EPHA3: variants seen among roughly 807,000 people sequenced by gnomAD.
EPHA3 encodes EPH receptor A3, also known as ephrin type-A receptor 3.
In EPHA3, 42 loss-of-function variants were observed where a neutral mutation model predicts 107.1. The ratio of observed to expected loss-of-function variants is 0.39; its 90% CI spans 0.31 to 0.51. The LOEUF is 0.51. Ranked by LOEUF, EPHA3 falls within the 20% of genes least tolerant of loss-of-function variation. The probability of loss-of-function intolerance (pLI) is 0.78; values close to 1 mark genes in which losing one functional copy is unlikely to be tolerated. For missense variants in EPHA3, 1,183 were observed against 1,211.2 expected (o/e 0.98, Z 0.35); for synonymous variants, 461 against 424.8 (o/e 1.09, Z -1.05).
chr3:89,337,309 G>T (rs2107410474), intron 3 of EPHA3, among the ~76,000 whole-genome samples: 2 of 152,246 alleles, frequency 1.3e-5, no homozygotes, highest in Non-Finnish European at 1.5e-5. Context: ...AAAATTAAAA[G>T]AAAGATTCCT....
At chr3:89,142,563 T>C (rs2107019685) in intron 2 of EPHA3, among the ~76,000 whole-genome samples, 1 of 151,584 alleles carries the variant, frequency 6.6e-6, no homozygotes, top group East Asian at 1.9e-4. Flanking sequence ...GTTTAATTAT[T>C]GGTCTTTATT....
At chr3:89,351,685 G>A (rs1231920273) in intron 5 of EPHA3, among the ~76,000 whole-genome samples, 2 of 151,086 alleles carry the variant, frequency 1.3e-5, no homozygotes, top group Admixed American at 1.3e-4. Context: ...AAACAATAAT[G>A]CTTTTACATA....
intron 3 of EPHA3, among the ~76,000 whole-genome samples, chr3:89,299,915 A>G (rs777355257): frequency 2.0e-5 from 3 of 151,632 alleles, no homozygotes; most frequent in African/African-American, 7.3e-5. Flanking sequence ...AATCTAAGAT[A>G]GTATTGCAAT....
chr3:89,399,231 A>T, intron 6 of EPHA3, 87 bp from the exon 7 acceptor site: 1 of 1,165,640 alleles, frequency 8.6e-7, no homozygotes, highest in Non-Finnish European at 1.2e-6. Flanking sequence ...AATATAAAAG[A>T]ATCAGGTTTG....
intron 5 of EPHA3, among the ~76,000 whole-genome samples, chr3:89,394,146 C>T (rs1168708257): frequency 6.6e-6 from 1 of 152,138 alleles, no homozygotes; most frequent in Non-Finnish European, 1.5e-5. Flanking sequence ...TGTGGTGGTT[C>T]ATGCCTGTAA....
chr3:89,281,092 T>C (rs1212851584), intron 3 of EPHA3, among the ~76,000 whole-genome samples: 1 of 151,950 alleles, frequency 6.6e-6, no homozygotes, highest in Non-Finnish European at 1.5e-5. Flanking sequence ...GGTGCGATCT[T>C]GGATCAGTGC....
chr3:89,291,444 C>A (rs1274485944), intron 3 of EPHA3, among the ~76,000 whole-genome samples: 1 of 151,170 alleles, frequency 6.6e-6, no homozygotes, highest in Non-Finnish European at 1.5e-5. Flanking sequence ...TGTAATGTGA[C>A]AAAGAAAAAG....
chr3:89,223,850 G>A (rs1459643475), intron 3 of EPHA3, among the ~76,000 whole-genome samples: 2 of 151,946 alleles, frequency 1.3e-5, no homozygotes, highest in Non-Finnish European at 2.9e-5. Context: ...TAGTAAATAT[G>A]GTTCTAAAAT....
intron 2 of EPHA3, among the ~76,000 whole-genome samples, chr3:89,140,313 A>C (rs764212254): frequency 1.3e-5 from 2 of 151,888 alleles, no homozygotes; most frequent in Non-Finnish European, 2.9e-5. Context: ...AAAAATTAGT[A>C]TATCATTTTC....
Position 89,359,764 on chromosome 3 carries a change from T to C in EPHA3, c.1306+17674T>C, listed in dbSNP as rs1213814398. Reference sequence around the variant, plus strand: ...ACATATATACACATATATACACATATATACACACATATATATACATATATA... The same window carrying C: ...ACATATATACACATATATACACATACATACACACATATATATACATATATA... On this transcript the variant is annotated intron_variant, in intron 5 of 16. Transcript: ENST00000336596. Among the ~76,000 whole-genome samples the C allele has an allele frequency of 2.1e-5, 3 of 144,340 alleles. 1 individual carries two copies. The highest frequency in any genetic ancestry group is 4.6e-5 in the Non-Finnish European group (3 of 65,914). The allele number at this position is 144,340 out of a possible 152,430, so 94.7% of individuals were successfully genotyped here.
intron 7 of EPHA3, among the ~76,000 whole-genome samples, chr3:89,404,921 CTA>C (rs2107514328): frequency 6.6e-6 from 1 of 152,188 alleles, no homozygotes; most frequent in Admixed American, 6.5e-5. Context: ...CAAGTCACCA[CTA>C]TATGTTTATG....
chr3:89,120,173 A>C (rs1035894453), intron 1 of EPHA3, among the ~76,000 whole-genome samples: 1 of 152,080 alleles, frequency 6.6e-6, no homozygotes, highest in African/African-American at 2.4e-5. Context: ...ATATGTTTTC[A>C]TTTTTCACTT....
At chr3:89,228,198 C>T (rs1178445801) in intron 3 of EPHA3, among the ~76,000 whole-genome samples, 1 of 151,876 alleles carries the variant, frequency 6.6e-6, no homozygotes. Context: ...CTGCTGAAAA[C>T]TGTTTCATCC....
At chr3:89,232,864 A>C (rs981779730) in intron 3 of EPHA3, among the ~76,000 whole-genome samples, 1 of 152,220 alleles carries the variant, frequency 6.6e-6, no homozygotes, top group African/African-American at 2.4e-5. Context: ...TACCAAAATT[A>C]GAAAGATAAC....
intron 5 of EPHA3, among the ~76,000 whole-genome samples, chr3:89,357,011 G>A (rs1707974202): frequency 7.0e-6 from 1 of 142,478 alleles, no homozygotes; most frequent in South Asian, 2.3e-4. Context: ...GGAAGGCTGA[G>A]GCAGGAGAAT....
chr3:89,449,432 G>A (rs2107553876), intron 14 of EPHA3, 58 bp downstream of exon 14: 2 of 1,426,866 alleles, frequency 1.4e-6, no homozygotes, highest in Non-Finnish European at 1.9e-6. Flanking sequence ...GCTGTGCAAG[G>A]AAGTGGAACA....
chr3:89,443,196 G>A (rs1388659132), intron 13 of EPHA3, among the ~76,000 whole-genome samples: 1 of 152,106 alleles, frequency 6.6e-6, no homozygotes, highest in East Asian at 1.9e-4. Flanking sequence ...TGGTGAAGTA[G>A]CTACAACATT....
chr3:89,133,737 A>G (rs1704253504), intron 2 of EPHA3, among the ~76,000 whole-genome samples: 2 of 152,172 alleles, frequency 1.3e-5, no homozygotes, highest in Non-Finnish European at 2.9e-5. Flanking sequence ...CAGGAATTGC[A>G]GTTTTCGATG....
At chr3:89,430,845 C>T (rs562974557) in intron 12 of EPHA3, among the ~76,000 whole-genome samples, 1 of 152,216 alleles carries the variant, frequency 6.6e-6, no homozygotes, top group African/African-American at 2.4e-5. Context: ...TTGTTCTTAA[C>T]CTTAATGAGT....
Sources: allele counts gnomAD v4.1 joint callset (sites outside exome capture counted in the v4.1 genomes callset), GRCh38; gene constraint gnomAD v4.1.1; transcripts MANE v1.5; gene names NCBI Gene and HGNC (gene_info 2026-07-23, HGNC 2026-07-21).